XYLB: variants seen among roughly 807,000 people sequenced by gnomAD.
The protein encoded by XYLB is xylulokinase, also known as xylulose kinase.
XYLB carries 62 observed loss-of-function variants against 78.7 expected under a neutral mutation model. The observed-to-expected ratio is 0.79, with a 90% confidence interval of 0.64 to 0.97. The LOEUF (loss-of-function observed/expected upper bound fraction) is 0.97, where lower values mean the gene tolerates loss of function less well. Ranked by LOEUF, XYLB falls within the 50% of genes least tolerant of loss-of-function variation. XYLB has a pLI of 0.00. For synonymous variants in XYLB, 245 were observed against 247.4 expected, an observed-to-expected ratio of 0.99 and a Z score of 0.09; for missense variants, 687 against 676.8, an observed-to-expected ratio of 1.02 and a Z score of -0.17.
At chr3:38,436,298 A>C in the XYLB span, among the ~76,000 whole-genome samples, 1 of 152,206 alleles carries the variant, frequency 6.6e-6, no homozygotes, top group Non-Finnish European at 1.5e-5. Context: ...GAACAATTAT[A>C]CATAGACAAA....
In XYLB at chr3:38,360,307, GCTCTGGTCTACATT is replaced by G; in HGVS notation, c.141-26_141-13del. The G allele has an allele frequency of 6.2e-7, 1 of 1,602,088 alleles. No individual in the cohort carries two copies. The highest frequency in any genetic ancestry group is 8.6e-7 in the Non-Finnish European group (1 of 1,169,018). On this transcript the variant is annotated intron_variant, in intron 2 of 18. Coordinates refer to ENST00000207870, the MANE Select transcript of XYLB (RefSeq NM_005108.4). ...TTTGCAATGGTCTGCCTGCCCTGAG[GCTCTGGTCTACATT>G]CTCTGTTGTTCTTGCAGGACTCAGG...
the XYLB span, among the ~76,000 whole-genome samples, chr3:38,443,008 C>T: frequency 6.6e-6 from 1 of 152,140 alleles, no homozygotes; most frequent in Non-Finnish European, 1.5e-5. Context: ...TAATATGTCC[C>T]TCCCTAATAA....
At chr3:38,379,189 A>C (rs1166086422) in intron 14 of XYLB, 57 bp from the exon 15 acceptor site, 2 of 1,552,726 alleles carry the variant, frequency 1.3e-6, no homozygotes, top group African/African-American at 2.7e-5. Flanking sequence ...ACACACATAC[A>C]CACACGAATG....
At chr3:38,416,996 CAG>C (rs1291271343), downstream of XYLB, among the ~76,000 whole-genome samples, 5 of 152,240 alleles carry the variant, frequency 3.3e-5, no homozygotes, top group South Asian at 4.1e-4. Flanking sequence ...CTAGAAATAA[CAG>C]AGAAATTTAA....
rs1708711405 is a variant in XYLB, at chr3:38,414,173, A to C, written c.*1160A>C. 6.6e-6 allele frequency: 1 copy of C among 152,234 alleles called. No individual in the cohort carries two copies. Among genetic ancestry groups the C allele is most frequent in the South Asian group, 2.1e-4 (1 of 4,828 alleles). The allele number at this position is 152,234 out of a possible 1,614,324, so 9.4% of individuals were successfully genotyped here. The stretch of plus-strand genomic sequence containing the variant: ...AATCAAAATACGCATGTTCTCACCC[A>C]GAGTGACAAAATCCTGCAGATAGGT... On this transcript the variant is annotated 3_prime_UTR_variant, in exon 19 of 19. Transcript: ENST00000207870.
chr3:38,443,293 C>T, the XYLB span, among the ~76,000 whole-genome samples: 1 of 152,272 alleles, frequency 6.6e-6, no homozygotes, highest in Non-Finnish European at 1.5e-5. Flanking sequence ...TTCCAGGCAC[C>T]CTCAGTCCTG....
chr3:38,443,318 G>T, the XYLB span, among the ~76,000 whole-genome samples: 1 of 152,204 alleles, frequency 6.6e-6, no homozygotes, highest in East Asian at 1.9e-4. Context: ...TGGATCGGCT[G>T]GTTGGGGGAT....
intron 15 of XYLB, among the ~76,000 whole-genome samples, chr3:38,392,595 C>G (rs570876537): frequency 1.4e-4 from 21 of 152,166 alleles, no homozygotes; most frequent in Non-Finnish European, 2.6e-4. Context: ...CCGTGCCTGG[C>G]CAATTAATAA....
At chr3:38,421,646 C>G (rs1708982949), downstream of XYLB, among the ~76,000 whole-genome samples, 1 of 152,126 alleles carries the variant, frequency 6.6e-6, no homozygotes, top group South Asian at 2.1e-4. Flanking sequence ...TCAGTGTGGG[C>G]TCTGGTTCAT....
intron 2 of XYLB, among the ~76,000 whole-genome samples, chr3:38,358,018 A>G (rs1705756623): frequency 6.6e-6 from 1 of 151,338 alleles, no homozygotes; most frequent in Admixed American, 6.6e-5. Context: ...GATCCTTTGA[A>G]GCAATGTTTT....
the XYLB span, among the ~76,000 whole-genome samples, chr3:38,441,002 CTCTT>C: frequency 1.3e-5 from 2 of 151,740 alleles, no homozygotes; most frequent in East Asian, 3.9e-4. Flanking sequence ...TCTCTCTTTC[CTCTT>C]TCTTTCTCTC....
chr3:38,419,603 T>TATAA (rs71085322), downstream of XYLB, among the ~76,000 whole-genome samples: 837 of 80,160 alleles, frequency 0.01, 74 homozygotes, highest in African/African-American at 0.024. Flanking sequence ...TATATATATA[T>TATAA]AATAGCCATC....
intron 18 of XYLB, among the ~76,000 whole-genome samples, chr3:38,408,527 C>A (rs1388872066): frequency 6.6e-6 from 1 of 151,216 alleles, no homozygotes; most frequent in Non-Finnish European, 1.5e-5. Flanking sequence ...CAAGAAATAA[C>A]TAAAATCAGA....
At chr3:38,452,031 T>G in the XYLB span, 1 of 152,196 alleles carries the variant, frequency 6.6e-6, no homozygotes, top group Non-Finnish European at 1.5e-5. Flanking sequence ...CATATTGGAA[T>G]GGAGATAACG....
chr3:38,413,018 G>T lies in XYLB; in HGVS notation c.*5G>T. Reference sequence around the variant, plus strand: ...ACCCGGGGGCCTCCGGAGTGAACAGGCATCCCTGTTGCCCCTGCCTGCCCA... The same window carrying T: ...ACCCGGGGGCCTCCGGAGTGAACAGTCATCCCTGTTGCCCCTGCCTGCCCA... On this transcript the variant is annotated 3_prime_UTR_variant, in exon 19 of 19. Transcript: ENST00000207870. The T allele has an allele frequency of 2.5e-6, 4 of 1,590,060 alleles. No homozygotes were observed. Among genetic ancestry groups the T allele is most frequent in the South Asian group, 1.2e-5 (1 of 86,286 alleles).
chr3:38,397,017 CTG>C, intron 16 of XYLB, 53 bp from the exon 17 acceptor site: 2 of 1,569,122 alleles, frequency 1.3e-6, no homozygotes. Context: ...CCCACAATGT[CTG>C]TGTTCCCTCT....
chr3:38,447,840 A>C, the XYLB span, among the ~76,000 whole-genome samples: 3 of 152,236 alleles, frequency 2.0e-5, no homozygotes, highest in African/African-American at 4.8e-5. Flanking sequence ...AAGATATAGA[A>C]TCAACCTAAG....
chr3:38,363,751 T>A (rs1706100151), intron 4 of XYLB, among the ~76,000 whole-genome samples: 2 of 152,176 alleles, frequency 1.3e-5, no homozygotes, highest in East Asian at 1.9e-4. Context: ...ATCGTTGATA[T>A]TTACATGAGG....
rs1708726545 is a variant in XYLB, at chr3:38,414,600, C to G, written c.*1587C>G. Reference sequence around the variant, plus strand: ...ACCAGAGATCAGAAATTCAAAAACTCAGAATAAAAATGAAAAAGCTACAAG... The same window carrying G: ...ACCAGAGATCAGAAATTCAAAAACTGAGAATAAAAATGAAAAAGCTACAAG... On this transcript the variant is annotated 3_prime_UTR_variant, in exon 19 of 19. Coordinates refer to ENST00000207870, the MANE Select transcript of XYLB (RefSeq NM_005108.4). 2 of 151,918 alleles carry G rather than the reference C, an allele frequency of 1.3e-5. No individual in the cohort carries two copies. Among genetic ancestry groups the G allele is most frequent in the African/African-American group, 4.8e-5 (2 of 41,346 alleles). The allele number at this position is 151,918 out of a possible 1,614,324, so 9.4% of individuals were successfully genotyped here. A position where few individuals can be genotyped will look rare whatever the true frequency, so the allele number is the denominator to read the frequency against.
Sources: gnomAD v4.1 joint callset for allele counts (sites outside exome capture counted in the v4.1 genomes callset) on GRCh38, gnomAD v4.1.1 for gene constraint, MANE v1.5 for transcripts, NCBI Gene and HGNC (gene_info 2026-07-23, HGNC 2026-07-21) for gene names.